RNF175: variants seen among roughly 807,000 people sequenced by gnomAD.
The protein encoded by RNF175 is ring finger protein 175.
Under a neutral mutation model 50.0 loss-of-function variants are expected in RNF175, and 38 were observed. The observed-to-expected ratio is 0.76, with a 90% CI of 0.59 to 1.00. The LOEUF (loss-of-function observed/expected upper bound fraction) is 1.00, where lower values mean the gene tolerates loss of function less well. RNF175 is among the 50% of genes least tolerant of loss of function. The pLI is 0.00. For synonymous variants in RNF175, 155 were observed against 146.1 expected (o/e 1.06, Z -0.44); for missense variants, 388 against 409.6 (o/e 0.95, Z 0.46).
chr4:153,750,651 C>T (rs1442480544), intron 2 of RNF175, among the ~76,000 whole-genome samples: 2 of 89,394 alleles, frequency 2.2e-5, no homozygotes, highest in Non-Finnish European at 5.1e-5. Flanking sequence ...TTTCTAGAAG[C>T]TCATTTAAAC....
chr4:153,737,876 C>T (rs2445617), intron 3 of RNF175, among the ~76,000 whole-genome samples: 65,219 of 151,988 alleles, frequency 0.43, 15,555 homozygotes, highest in East Asian at 0.81. Flanking sequence ...CTGCTTGATC[C>T]ATCAACTACT....
chr4:153,727,602 G>T (rs1435552322), intron 4 of RNF175: 1 of 152,156 alleles, frequency 6.6e-6, no homozygotes, highest in Admixed American at 6.5e-5. Flanking sequence ...ATCATGATGA[G>T]GATATGGATT....
At chr4:153,731,471 T>C (rs1739028896) in intron 3 of RNF175, among the ~76,000 whole-genome samples, 1 of 152,144 alleles carries the variant, frequency 6.6e-6, no homozygotes, top group African/African-American at 2.4e-5. Context: ...CCCAACCACA[T>C]ATCATAGCAG....
chr4:153,719,178 T>C (rs1343759233), intron 6 of RNF175, among the ~76,000 whole-genome samples: 2 of 152,140 alleles, frequency 1.3e-5, no homozygotes, highest in Non-Finnish European at 2.9e-5. Context: ...ATTGTTCAGC[T>C]CCCATGTACA....
At chr4:153,757,793 C>T (rs1222462293) in intron 1 of RNF175, among the ~76,000 whole-genome samples, 1 of 151,964 alleles carries the variant, frequency 6.6e-6, no homozygotes, top group African/African-American at 2.4e-5. Context: ...TTCAAACATA[C>T]CTAACCAGTT....
chr4:153,729,852 A>G (rs1299903125), intron 3 of RNF175: 3 of 977,300 alleles, frequency 3.1e-6, no homozygotes, highest in African/African-American at 3.5e-5. Flanking sequence ...TATAACTTCA[A>G]TTTTTGTTTT....
At chr4:153,724,249 G>A (rs2127112388) in intron 4 of RNF175, among the ~76,000 whole-genome samples, 1 of 152,342 alleles carries the variant, frequency 6.6e-6, no homozygotes, top group South Asian at 2.1e-4. Context: ...ACTACAAGAA[G>A]GACCATGTGA....
intron 3 of RNF175, among the ~76,000 whole-genome samples, chr4:153,730,972 G>A (rs1207333064): frequency 6.6e-6 from 1 of 152,142 alleles, no homozygotes; most frequent in Non-Finnish European, 1.5e-5. Flanking sequence ...TACAGACATT[G>A]TACTTTTAAA....
intron 6 of RNF175, among the ~76,000 whole-genome samples, chr4:153,716,267 G>C (rs932638622): frequency 6.6e-6 from 1 of 152,070 alleles, no homozygotes; most frequent in Non-Finnish European, 1.5e-5. Context: ...CACAGGAATC[G>C]TTTTTATCCA....
In RNF175 at chr4:153,733,889, CCACTGATTGTTTTG is replaced by C. The variant is rs1482345543; in HGVS notation, c.247-5542_247-5529del. ...TTTATTTTCCTCTCTTCCCCTCAAA[CCACTGATTGTTTTG>C]CTGTCTCTATAGTTTTGTGGTTTTC... On this transcript the variant is annotated intron_variant, in intron 3 of 8. Transcript: ENST00000347063. 1.5e-4 allele frequency among the ~76,000 whole-genome samples: 23 copies of C among 152,356 alleles called. No individual in the cohort carries two copies. In the East Asian group the frequency reaches 4.4e-3, roughly 29 times the overall value.
At chr4:153,718,236 T>TTTTTTTTTTTTTTTTTTC (rs1738101670) in intron 6 of RNF175, among the ~76,000 whole-genome samples, 1 of 115,398 alleles carries the variant, frequency 8.7e-6, no homozygotes, top group Non-Finnish European at 1.9e-5. Flanking sequence ...GTTTGTTTGT[T>TTTTTTTTTTTTTTTTTTC]TGTTTTTTTT....
At chr4:153,712,370 A>C in intron 8 of RNF175, 105 bp downstream of exon 8, 1 of 753,170 alleles carries the variant, frequency 1.3e-6, no homozygotes, top group South Asian at 1.8e-5. Context: ...AAAACAAAAA[A>C]TTTTCTGCTG....
At chr4:153,721,070 T>C (rs555297163) in intron 5 of RNF175, among the ~76,000 whole-genome samples, 1 of 152,134 alleles carries the variant, frequency 6.6e-6, no homozygotes, top group Non-Finnish European at 1.5e-5. Flanking sequence ...CATGCCAGAG[T>C]TGCTATGTAT....
At chr4:153,729,308 G>A (rs6835960) in intron 3 of RNF175, among the ~76,000 whole-genome samples, 37,605 of 152,164 alleles carry the variant, frequency 0.25, 5,585 homozygotes, top group East Asian at 0.8. Flanking sequence ...AGCCTGCAGC[G>A]CTCTGTTGAG....
At chr4:153,713,062 ATTAAC>A (rs1737694876) in intron 7 of RNF175, 1 of 152,548 alleles carries the variant, frequency 6.6e-6, no homozygotes, top group Non-Finnish European at 1.5e-5. Flanking sequence ...AAATATTTCC[ATTAAC>A]TTCATAATTT....
chr4:153,752,050 G>T (rs1224799513), intron 1 of RNF175, among the ~76,000 whole-genome samples: 1 of 152,206 alleles, frequency 6.6e-6, no homozygotes, highest in Non-Finnish European at 1.5e-5. Context: ...TACAAATTGA[G>T]CTGGAAAGCA....
At chr4:153,724,697 T>A (rs1738566086) in intron 4 of RNF175, among the ~76,000 whole-genome samples, 1 of 152,146 alleles carries the variant, frequency 6.6e-6, no homozygotes, top group Admixed American at 6.5e-5. Context: ...ATAGGTGCTC[T>A]ATTTCACTGA....
chr4:153,712,454 C>A (rs1282934600), intron 8 of RNF175, 21 bp downstream of exon 8: 1 of 1,324,854 alleles, frequency 7.5e-7, no homozygotes, highest in Non-Finnish European at 1.1e-6. Context: ...TCTCTTATAA[C>A]CTTTTTGTTT....
In RNF175 at chr4:153,715,637, G is replaced by A. The variant is rs1385634989; in HGVS notation, c.656C>T (p.Thr219Ile). Residue 219 changes from threonine to isoleucine, a missense_variant, in exon 7 of 9, where the codon ACA becomes ATA. Physicochemically the swap from Thr to Ile is moderately conservative, Grantham distance 89. Transcript: ENST00000347063. ...IGFYSVSRLP[T>I]RSLSDNICAV... ...ACAGATATTGTCCGATAAGCTCCTTGTAGGCAACCGGCTGACACTGTAGAA... is the reference window on the plus strand; with the variant it reads ...ACAGATATTGTCCGATAAGCTCCTTATAGGCAACCGGCTGACACTGTAGAA... 8.1e-6 allele frequency: 13 copies of A among 1,613,796 alleles called. No individual in the cohort carries two copies. The East Asian group carries it at 1.3e-4, about 17-fold the overall frequency.
Sources: gnomAD v4.1 joint callset for allele counts (sites outside exome capture counted in the v4.1 genomes callset) on GRCh38, gnomAD v4.1.1 for gene constraint, MANE v1.5 for transcripts, NCBI Gene and HGNC (gene_info 2026-07-23, HGNC 2026-07-21) for gene names.